Variants in CACNB4 observed in about 807,000 individuals in gnomAD.
The protein encoded by CACNB4 is calcium voltage-gated channel auxiliary subunit beta 4.
A neutral mutation model predicts 71.2 loss-of-function variants in CACNB4; 32 were observed. That is an observed-to-expected ratio of 0.45 (90% CI 0.34 to 0.60). The LOEUF is 0.60. Ranked by LOEUF, CACNB4 falls within the 20% of genes least tolerant of loss-of-function variation. The pLI is 0.01. For synonymous variants in CACNB4, 231 were observed against 236.9 expected (o/e 0.97, Z 0.23); for missense variants, 464 against 647.9 (o/e 0.72, Z 3.08).
chr2:151,987,080 A>G (rs989417154), intron 2 of CACNB4, among the ~76,000 whole-genome samples: 1 of 152,330 alleles, frequency 6.6e-6, no homozygotes, highest in Non-Finnish European at 1.5e-5. Context: ...TTAGTGGGAA[A>G]TTCATTCCAA....
Position 151,833,145 on chromosome 2 carries a change from T to C in CACNB4, c.*5974A>G, listed in dbSNP as rs1227934327. ...GGCATTTTTTATCCCACTTTGTCAATGGAGATATAGCAATAGCCTGGGATT... is the reference window on the plus strand; with the variant it reads ...GGCATTTTTTATCCCACTTTGTCAACGGAGATATAGCAATAGCCTGGGATT... On this transcript the variant is annotated 3_prime_UTR_variant, in exon 14 of 14. Transcript: ENST00000539935. The C allele has an allele frequency of 6.6e-6, 1 of 152,050 alleles. No individual in the cohort carries two copies. Among genetic ancestry groups the C allele is most frequent in the Admixed American group, 6.6e-5 (1 of 15,256 alleles). 9.4% of individuals were successfully genotyped at this position (152,050 alleles called of 1,614,324 possible).
chr2:151,907,550 A>G (rs2099855118), intron 2 of CACNB4, among the ~76,000 whole-genome samples: 2 of 152,256 alleles, frequency 1.3e-5, no homozygotes, highest in Admixed American at 6.5e-5. Context: ...GTTATTATTA[A>G]TAAAACGCCA....
At chr2:151,972,516 T>C (rs2099872840) in intron 2 of CACNB4, 1 of 152,198 alleles carries the variant, frequency 6.6e-6, no homozygotes, top group Admixed American at 6.5e-5. Context: ...AGTCTGATCA[T>C]TTATGAGCAC....
chr2:151,996,719 A>T (rs1213999260), intron 2 of CACNB4, among the ~76,000 whole-genome samples: 1 of 152,202 alleles, frequency 6.6e-6, no homozygotes, highest in Admixed American at 6.5e-5. Context: ...TGATTAAAGA[A>T]GGCAGAAACC....
intron 2 of CACNB4, among the ~76,000 whole-genome samples, chr2:152,073,218 A>C (rs770374991): frequency 1.4e-4 from 21 of 152,180 alleles, no homozygotes; most frequent in Non-Finnish European, 2.8e-4. Context: ...AGCAGACGGA[A>C]GTCAGCTATC....
At chr2:152,008,339 T>G (rs973361701) in intron 2 of CACNB4, among the ~76,000 whole-genome samples, 1 of 152,038 alleles carries the variant, frequency 6.6e-6, no homozygotes, top group Non-Finnish European at 1.5e-5. Context: ...CAGGCTGGAG[T>G]GCAGTGGTGC....
chr2:152,090,709 T>C (rs764263124), intron 2 of CACNB4, among the ~76,000 whole-genome samples: 4 of 150,762 alleles, frequency 2.7e-5, no homozygotes, highest in African/African-American at 9.8e-5. Flanking sequence ...TTCAATAAAA[T>C]TGTACCATTC....
At chr2:152,059,563 T>C (rs1178411797) in intron 2 of CACNB4, among the ~76,000 whole-genome samples, 1 of 152,266 alleles carries the variant, frequency 6.6e-6, no homozygotes, top group Non-Finnish European at 1.5e-5. Context: ...GCAACATTTA[T>C]CCAACGCCTG....
chr2:152,074,363 C>T (rs1056510337), intron 2 of CACNB4, among the ~76,000 whole-genome samples: 3 of 151,898 alleles, frequency 2.0e-5, no homozygotes, highest in African/African-American at 7.3e-5. Flanking sequence ...ATCACTACTA[C>T]CATTCCCACC....
intron 2 of CACNB4, among the ~76,000 whole-genome samples, chr2:152,004,661 T>C (rs958655990): frequency 6.6e-6 from 1 of 152,034 alleles, no homozygotes; most frequent in Non-Finnish European, 1.5e-5. Flanking sequence ...ACTTATGAAA[T>C]GACAGAGTCC....
intron 2 of CACNB4, among the ~76,000 whole-genome samples, chr2:151,941,282 T>C (rs562726982): frequency 4.1e-3 from 607 of 148,770 alleles, no homozygotes; most frequent in Non-Finnish European, 6.8e-3. Flanking sequence ...TTAATTTTTT[T>C]TTTTTTTTTT....
intron 2 of CACNB4, among the ~76,000 whole-genome samples, chr2:151,986,946 G>A (rs1369911805): frequency 6.6e-6 from 1 of 152,046 alleles, no homozygotes; most frequent in African/African-American, 2.4e-5. Flanking sequence ...TGCTCAAAGT[G>A]GTCATCTCCT....
intron 2 of CACNB4, among the ~76,000 whole-genome samples, chr2:151,922,689 A>C (rs2099859279): frequency 6.6e-6 from 1 of 152,196 alleles, no homozygotes; most frequent in African/African-American, 2.4e-5. Flanking sequence ...TTTGGCATGT[A>C]TAGTCTGAAG....
At chr2:151,854,402 C>T (rs1355891665) in intron 11 of CACNB4, 1 of 152,238 alleles carries the variant, frequency 6.6e-6, no homozygotes, top group Non-Finnish European at 1.5e-5. Context: ...GCTAGGATCT[C>T]AGAACATCTG....
chr2:151,937,947 T>C (rs1363582853), intron 2 of CACNB4, among the ~76,000 whole-genome samples: 1 of 152,170 alleles, frequency 6.6e-6, no homozygotes, highest in East Asian at 1.9e-4. Context: ...ACCCACCCAT[T>C]CCATTTTCAG....
At position 151,883,533 on chromosome 2, in the gene CACNB4, C is replaced by T. The variant is rs1422425553; in HGVS notation, c.148-163G>A. ...ATTTAGATGGCAGAATATAGTTAAG[C>T]ATCTGAGTTATTCGGAAAGTAGCAA... On this transcript the variant is annotated intron_variant, in intron 2 of 13. Coordinates refer to ENST00000539935, the MANE Select transcript of CACNB4 (RefSeq NM_000726.5). The T allele has an allele frequency of 1.0e-5, 7 of 679,478 alleles. No homozygotes were observed. In the East Asian group the frequency reaches 1.9e-4, roughly 19 times the overall value. 42.1% of individuals were successfully genotyped at this position (679,478 alleles called of 1,614,324 possible).
chr2:151,911,534 C>T (rs2099856160), intron 2 of CACNB4, among the ~76,000 whole-genome samples: 1 of 152,172 alleles, frequency 6.6e-6, no homozygotes, highest in Non-Finnish European at 1.5e-5. Context: ...CCGTCTTGAT[C>T]ATGGTGGATA....
At chr2:151,875,956 G>T (rs1238532122) in intron 5 of CACNB4, among the ~76,000 whole-genome samples, 3 of 116,404 alleles carry the variant, frequency 2.6e-5, no homozygotes, top group South Asian at 3.2e-4. Flanking sequence ...GGACGGGGCG[G>T]CTGGCCGGGC....
intron 2 of CACNB4, among the ~76,000 whole-genome samples, chr2:152,069,571 T>C (rs1686552121): frequency 6.6e-6 from 1 of 151,552 alleles, no homozygotes; most frequent in Non-Finnish European, 1.5e-5. Flanking sequence ...CTGGGTCTTT[T>C]ATAGCTCAGC....
Sources: gnomAD v4.1 joint callset for allele counts (sites outside exome capture counted in the v4.1 genomes callset) on GRCh38, gnomAD v4.1.1 for gene constraint, MANE v1.5 for transcripts, NCBI Gene and HGNC (gene_info 2026-07-23, HGNC 2026-07-21) for gene names.